Variants in PLA1A observed in about 807,000 individuals in gnomAD.
PLA1A encodes the protein phosphatidylserine-specific phospholipase A1alpha.
PLA1A carries 47 observed loss-of-function variants against 49.4 expected under a neutral mutation model. That is an observed-to-expected ratio of 0.95 (90% CI 0.75 to 1.21). PLA1A has a LOEUF of 1.21. Ranked by LOEUF, PLA1A falls within the 50% of genes most tolerant of loss-of-function variation. The pLI is 0.00. For synonymous variants in PLA1A, 224 were observed against 207.9 expected, an observed-to-expected ratio of 1.08 and a Z score of -0.67; for missense variants, 561 against 563.9, an observed-to-expected ratio of 0.99 and a Z score of 0.05.
At position 119,602,970 on chromosome 3, in the gene PLA1A, G is replaced by A. The variant is rs116355427; in HGVS notation, c.74-3804G>A. ...AGGAACAGCCGGGCAAAGACCCTCAGGCAGGAAGCCATCTAGAGTGAGGAA... is the reference window on the plus strand; with the variant it reads ...AGGAACAGCCGGGCAAAGACCCTCAAGCAGGAAGCCATCTAGAGTGAGGAA... On this transcript the variant is annotated intron_variant, in intron 1 of 10. Transcript: ENST00000273371. Among the ~76,000 whole-genome samples the A allele has an allele frequency of 9.5e-3, 1,452 of 152,236 alleles. 12 individuals are homozygous for A. The highest frequency in any genetic ancestry group is 0.032 in the African/African-American group (1,327 of 41,518).
chr3:119,626,131 T>C lies in PLA1A; in HGVS notation c.1121+899T>C, dbSNP rs2052532767. Among the ~76,000 whole-genome samples the C allele has an allele frequency of 2.6e-5, 4 of 152,050 alleles. No individual in the cohort carries two copies. The South Asian group carries it at 8.3e-4, about 32-fold the overall frequency. On this transcript the variant is annotated intron_variant, in intron 9 of 10. Coordinates refer to ENST00000273371, the MANE Select transcript of PLA1A (RefSeq NM_015900.4). ...AACAGGAGCCAATACAACCCTAGGCTAGAGGGACAAAGCAGGAGTGGAGTT... is the reference window on the plus strand; with the variant it reads ...AACAGGAGCCAATACAACCCTAGGCCAGAGGGACAAAGCAGGAGTGGAGTT...
chr3:119,619,720 G>A (rs1369710302), intron 8 of PLA1A, 68 bp downstream of exon 8: 1 of 1,068,358 alleles, frequency 9.4e-7, no homozygotes, highest in Non-Finnish European at 1.5e-6. Context: ...GCCCAGTGTG[G>A]TAGCCTGGGT....
At position 119,600,644 on chromosome 3, in the gene PLA1A, C is replaced by T. The variant is rs191774771; in HGVS notation, c.73+2658C>T. On this transcript the variant is annotated intron_variant, in intron 1 of 10. Transcript: ENST00000273371. ...GGTAACTGAGAAGAAAGAAATTGAGCGGGCTGCAGTCCTCATCTCTACTTC... is the reference window on the plus strand; with the variant it reads ...GGTAACTGAGAAGAAAGAAATTGAGTGGGCTGCAGTCCTCATCTCTACTTC... Among the ~76,000 whole-genome samples, 27 of 152,322 alleles carry T rather than the reference C, an allele frequency of 1.8e-4. 1 individual carries two copies. The East Asian group carries it at 1.9e-3, about 11-fold the overall frequency.
Position 119,613,019 on chromosome 3 carries a change from C to T in PLA1A, c.565C>T (p.Leu189=), listed in dbSNP as rs1440349488. The part of the protein sequence containing the change: ...FGGQLGQITG[L]DPAGPEYTRA... Reference sequence around the variant, plus strand: ...CTCATATCAGTCTCTTCTCACAGGCCTGGACCCCGCTGGACCTGAGTACAC... The same window carrying T: ...CTCATATCAGTCTCTTCTCACAGGCTTGGACCCCGCTGGACCTGAGTACAC... Residue 189 remains leucine (L), a splice_region_variant and synonymous_variant, in exon 5 of 11, where the codon CTG becomes TTG. Transcript: ENST00000273371. The T allele has an allele frequency of 1.3e-6, 2 of 1,586,216 alleles. No individual in the cohort carries two copies. Among genetic ancestry groups the T allele is most frequent in the Non-Finnish European group, 1.7e-6 (2 of 1,163,478 alleles).
At chr3:119,608,216 A>AAGAGAGAGAG (rs1284664763) in intron 2 of PLA1A, among the ~76,000 whole-genome samples, 121 of 143,920 alleles carry the variant, frequency 8.4e-4, no homozygotes, top group East Asian at 2.1e-3. Context: ...GAAAGAAAGA[A>AAGAGAGAGAG]AGAAAGAAAG....
chr3:119,623,822 T>C (rs1199244523), intron 8 of PLA1A, among the ~76,000 whole-genome samples: 1 of 151,058 alleles, frequency 6.6e-6, no homozygotes, highest in Non-Finnish European at 1.5e-5. Context: ...CCTCCCGGGT[T>C]CAAATGCTTC....
chr3:119,608,307 T>C (rs2082721940), intron 2 of PLA1A, among the ~76,000 whole-genome samples: 3 of 144,540 alleles, frequency 2.1e-5, no homozygotes. Context: ...AAAAAGAAAA[T>C]GTCCACAAAG....
chr3:119,611,479 G>T (rs1383679250), intron 4 of PLA1A, among the ~76,000 whole-genome samples: 1 of 152,004 alleles, frequency 6.6e-6, no homozygotes, highest in Non-Finnish European at 1.5e-5. Context: ...CAAATACTAT[G>T]CAAAAAGCAT....
intron 2 of PLA1A, among the ~76,000 whole-genome samples, chr3:119,607,832 T>A (rs1222157502): frequency 6.6e-6 from 1 of 152,174 alleles, no homozygotes; most frequent in Non-Finnish European, 1.5e-5. Flanking sequence ...GGCAAGGCAC[T>A]CTGTCTGCTC....
chr3:119,605,294 A>G (rs1365355099), intron 1 of PLA1A, among the ~76,000 whole-genome samples: 1 of 152,190 alleles, frequency 6.6e-6, no homozygotes, highest in Non-Finnish European at 1.5e-5. Flanking sequence ...GATTGAGGAC[A>G]AAGTCTGGGG....
chr3:119,615,730 G>T (rs2082836616), intron 5 of PLA1A, among the ~76,000 whole-genome samples: 1 of 152,022 alleles, frequency 6.6e-6, no homozygotes, highest in Non-Finnish European at 1.5e-5. Flanking sequence ...AGAATCGCTT[G>T]AATCCGGGAG....
intron 2 of PLA1A, among the ~76,000 whole-genome samples, chr3:119,608,267 AG>A (rs2082719273): frequency 1.3e-5 from 2 of 151,552 alleles, no homozygotes; most frequent in Non-Finnish European, 2.9e-5. Context: ...AAAGAAAGAA[AG>A]AAAGAAAGAA....
At chr3:119,607,258 C>G (rs912900911) in intron 2 of PLA1A, among the ~76,000 whole-genome samples, 4 of 152,182 alleles carry the variant, frequency 2.6e-5, no homozygotes, top group Non-Finnish European at 5.9e-5. Context: ...ACCTTTATTA[C>G]CCAGGATTGT....
intron 4 of PLA1A, among the ~76,000 whole-genome samples, chr3:119,610,347 G>A (rs921717712): frequency 6.6e-6 from 1 of 152,126 alleles, no homozygotes; most frequent in African/African-American, 2.4e-5. Context: ...ATCTAGTAAT[G>A]GGATTGCTGA....
chr3:119,627,036 C>G (rs1293298178), intron 9 of PLA1A, among the ~76,000 whole-genome samples: 7 of 152,222 alleles, frequency 4.6e-5, no homozygotes. Flanking sequence ...TTAAAAAATA[C>G]TGACGCCAAG....
chr3:119,616,911 AG>A (rs1396242971), intron 6 of PLA1A, among the ~76,000 whole-genome samples: 5 of 152,238 alleles, frequency 3.3e-5, no homozygotes, highest in African/African-American at 1.2e-4. Context: ...CAACTTGAGA[AG>A]GGTTTAGTTT....
chr3:119,624,457 G>T (rs1455739420), intron 8 of PLA1A, among the ~76,000 whole-genome samples: 1 of 152,166 alleles, frequency 6.6e-6, no homozygotes, highest in African/African-American at 2.4e-5. Flanking sequence ...GTATATGATA[G>T]ATGCATTTTG....
chr3:119,609,047 G>A, intron 3 of PLA1A, 100 bp downstream of exon 3: 1 of 946,358 alleles, frequency 1.1e-6, no homozygotes, highest in Non-Finnish European at 1.6e-6. Context: ...TGGAAGCAGA[G>A]TCACCAGGTA....
chr3:119,605,176 G>T (rs966977822), intron 1 of PLA1A, among the ~76,000 whole-genome samples: 5 of 152,190 alleles, frequency 3.3e-5, no homozygotes, highest in African/African-American at 9.7e-5. Flanking sequence ...TCTCTCATGT[G>T]CTGTGGGAGT....
Sources: gnomAD v4.1 joint callset for allele counts (sites outside exome capture counted in the v4.1 genomes callset) on GRCh38, gnomAD v4.1.1 for gene constraint, MANE v1.5 for transcripts, NCBI Gene and HGNC (gene_info 2026-07-23, HGNC 2026-07-21) for gene names.